CELSR3: variants seen among roughly 807,000 people sequenced by gnomAD.
CELSR3 encodes the protein cadherin EGF LAG seven-pass G-type receptor 3.
A neutral mutation model predicts 270.0 loss-of-function variants in CELSR3; 73 were observed. The ratio of observed to expected loss-of-function variants is 0.27; its 90% CI spans 0.22 to 0.33. The LOEUF is 0.33. Ranked by LOEUF, CELSR3 falls within the 10% of genes least tolerant of loss-of-function variation. CELSR3 has a pLI of 1.00. For missense variants in CELSR3, 3,614 were observed against 4,533.8 expected, an observed-to-expected ratio of 0.80 and a Z score of 5.83; for synonymous variants, 1,780 against 1,905.4, an observed-to-expected ratio of 0.93 and a Z score of 1.71.
At position 48,656,920 on chromosome 3, in the gene CELSR3, C is replaced by T. The variant is rs772792398; in HGVS notation, c.4177G>A (p.Val1393Met). ...GGCGCGGACGAGTCAAAGCGGAGCA[C>T]GGACACGCATTTCATGTAGTTCTCA... ...PCENYMKCVS[V>M]LRFDSSAPFL... Residue 1393 changes from valine (V) to methionine (M), a missense_variant, in exon 2 of 35, where the codon GTG becomes ATG. By Grantham distance (21) the Val-to-Met change is conservative. This residue lies in a region of CELSR3 where 1,331 missense variants were observed against 1,933.7 expected (regional missense o/e 0.69). Coordinates refer to ENST00000164024, the MANE Select transcript of CELSR3 (RefSeq NM_001407.3). 3 of 1,611,068 alleles carry T rather than the reference C, an allele frequency of 1.9e-6. No homozygotes were observed. Among genetic ancestry groups the T allele is most frequent in the Non-Finnish European group, 2.5e-6 (3 of 1,178,594 alleles).
chr3:48,661,116 C>T lies in CELSR3; in HGVS notation c.1519G>A (p.Glu507Lys). 6.2e-7 allele frequency: 1 copy of T among 1,612,204 alleles called. No homozygotes were observed. Among genetic ancestry groups the T allele is most frequent in the African/African-American group, 1.3e-5 (1 of 75,038 alleles). Reference protein sequence around the residue: ...TSGRVDREHMESYELVVEASD... With the variant: ...TSGRVDREHMKSYELVVEASD... ...GCTTCCACCACCAGCTCATAGCTTT[C>T]CATGTGCTCGCGGTCCACTCGGCCG... Residue 507 changes from glutamate to lysine, a missense_variant, in exon 1 of 35, where the codon GAA (glutamate) becomes AAA (lysine). Around this residue, in one of 7 missense-constraint regions of CELSR3, gnomAD observed 354 missense variants for 500.9 expected, o/e 0.71. Coordinates refer to ENST00000164024, the MANE Select transcript of CELSR3 (RefSeq NM_001407.3).
chr3:48,659,013 A>G lies in CELSR3; in HGVS notation c.3622T>C (p.Tyr1208His). ...YDPDVSDHLFYSFERGNELQL... is the reference protein window; with the variant it reads ...YDPDVSDHLFHSFERGNELQL... ...AGCTCATTGCCACGCTCAAAGGAGT[A>G]GAAGAGGTGGTCGGAGACATCGGGG... Residue 1208 changes from tyrosine to histidine, a missense_variant, in exon 1 of 35, where the codon TAC becomes CAC. Around this residue, in one of 7 missense-constraint regions of CELSR3, gnomAD observed 1,331 missense variants for 1,933.7 expected, o/e 0.69. Coordinates refer to ENST00000164024, the MANE Select transcript of CELSR3 (RefSeq NM_001407.3). This position sits in a 1 kb window ranked among gnomAD's most constrained non-coding sequence, Gnocchi z 8.1. 1 of 1,614,210 alleles carries G rather than the reference A, an allele frequency of 6.2e-7. No individual in the cohort carries two copies.
chr3:48,645,633 A>G lies in CELSR3; in HGVS notation c.7607T>C (p.Leu2536Pro), dbSNP rs1575540046. The G allele has an allele frequency of 6.2e-7, 1 of 1,609,674 alleles. No individual in the cohort carries two copies. The highest frequency in any genetic ancestry group is 8.5e-7 in the Non-Finnish European group (1 of 1,177,380). ...GTGGGTGAACACAGCCAGCAGCTCC[A>G]GGTCGCCCTCCAGCCTCTACAGAGA... is the stretch of plus-strand genomic sequence containing the variant. The part of the protein sequence containing the change: ...ASPRERLEGD[L>P]ELLAVFTHVV... Residue 2536 changes from leucine (L) to proline (P), a missense_variant, in exon 24 of 35, where the codon CTG becomes CCG. This residue lies in a region of CELSR3 where 1,240 missense variants were observed against 1,351.7 expected (regional missense o/e 0.92). Transcript: ENST00000164024. This position sits in a 1 kb window ranked among gnomAD's most constrained non-coding sequence, Gnocchi z 5.4.
In CELSR3 at chr3:48,650,455, AT is replaced by A; in HGVS notation, c.6472+24del. ...TACAGGCCCACCCCCACCCTCAGTG[AT>A]GTCCTTTCCCCCCACATACTCACCC... On this transcript the variant is annotated intron_variant, in intron 16 of 34. Transcript: ENST00000164024. This position sits in a 1 kb window ranked among gnomAD's most constrained non-coding sequence, Gnocchi z 5.1. The A allele has an allele frequency of 1.7e-6, 1 of 603,076 alleles. No individual in the cohort carries two copies. The highest frequency in any genetic ancestry group is 2.1e-5 in the Admixed American group (1 of 47,738). 37.4% of individuals were successfully genotyped at this position (603,076 alleles called of 1,614,324 possible). A position where few individuals can be genotyped will look rare whatever the true frequency, so the allele number is the denominator to read the frequency against.
intron 16 of CELSR3, 51 bp from the exon 17 acceptor site, chr3:48,649,266 A>C: frequency 5.7e-6 from 8 of 1,414,804 alleles, no homozygotes; most frequent in Non-Finnish European, 7.9e-6. Context: ...ACCTTTGCTG[A>C]GGAGATAACC....
rs937588339 is a variant in CELSR3, at chr3:48,639,521, C to T, written c.9911+153G>A. ...CCCCATTTCTTGCCAGATTCCTGTCCCCAGCCTGTGGCCCTCTGGCTGTGC... is the reference window on the plus strand; with the variant it reads ...CCCCATTTCTTGCCAGATTCCTGTCTCCAGCCTGTGGCCCTCTGGCTGTGC... On this transcript the variant is annotated intron_variant, in intron 34 of 34. Coordinates refer to ENST00000164024, the MANE Select transcript of CELSR3 (RefSeq NM_001407.3). The surrounding 1 kb of genome is among the most constrained non-coding windows in gnomAD (Gnocchi z 4.1). Among the ~76,000 whole-genome samples, 2 of 152,190 alleles carry T rather than the reference C, an allele frequency of 1.3e-5. No individual in the cohort carries two copies. Among genetic ancestry groups the T allele is most frequent in the African/African-American group, 4.8e-5 (2 of 41,436 alleles).
rs769254685 is a variant in CELSR3 at position 48,640,104 on chromosome 3, G to C, written c.9481C>G (p.Arg3161Gly). 1.2e-6 allele frequency: 2 copies of C among 1,611,298 alleles called. No individual in the cohort carries two copies. The highest frequency in any genetic ancestry group is 2.2e-5 in the South Asian group (2 of 91,054). The part of the protein sequence containing the change: ...EWLSTLPPPR[R>G]TRDLDPQPPP... Reference sequence around the variant, plus strand: ...GGCTGTGGGTCAAGGTCCCGGGTGCGGCGGGGCGGAGGCAGCGTGCTCAAC... The same window carrying C: ...GGCTGTGGGTCAAGGTCCCGGGTGCCGCGGGGCGGAGGCAGCGTGCTCAAC... Residue 3161 changes from arginine to glycine, a missense_variant, in exon 34 of 35, where the codon CGC becomes GGC. By Grantham distance (125) the Arg-to-Gly change is moderately radical (BLOSUM62 -2). Transcript: ENST00000164024. The surrounding 1 kb of genome is among the most constrained non-coding windows in gnomAD (Gnocchi z 7.5).
rs1559474094 is a variant in CELSR3 at position 48,638,228 on chromosome 3, G to A, written c.9916C>T (p.Pro3306Ser). The A allele has an allele frequency of 1.2e-6, 2 of 1,612,736 alleles. No individual in the cohort carries two copies. The highest frequency in any genetic ancestry group is 2.2e-5 in the South Asian group (2 of 91,064). The part of the protein sequence containing the change: ...ISELSPDSEV[P>S]RSEGHS Reference sequence around the variant, plus strand: ...CCTCAGGAGTGACCCTCACTTCTGGGAACTCTGGAGGCACATGAGGAAATC... The same window carrying A: ...CCTCAGGAGTGACCCTCACTTCTGGAAACTCTGGAGGCACATGAGGAAATC... Residue 3306 changes from proline (P) to serine (S), a missense_variant, in exon 35 of 35, where the codon CCC becomes TCC. Around this residue, in one of 7 missense-constraint regions of CELSR3, gnomAD observed 1,240 missense variants for 1,351.7 expected, o/e 0.92. Transcript: ENST00000164024.
intron 3 of CELSR3, 62 bp downstream of exon 3, chr3:48,656,078 C>G: frequency 7.1e-7 from 1 of 1,408,202 alleles, no homozygotes; most frequent in Non-Finnish European, 9.4e-7. Flanking sequence ...AGTCAGGAAT[C>G]TGAGTCAGGG....
Position 48,655,439 on chromosome 3 carries a change from C to A in CELSR3, c.4742-45G>T. The A allele has an allele frequency of 6.3e-7, 1 of 1,585,116 alleles. No homozygotes were observed. The highest frequency in any genetic ancestry group is 8.7e-7 in the Non-Finnish European group (1 of 1,154,278). On this transcript the variant is annotated intron_variant, in intron 4 of 34. Transcript: ENST00000164024. This position sits in a 1 kb window ranked among gnomAD's most constrained non-coding sequence, Gnocchi z 5.8. ...GGAATCATCAGGAGCAGCGGAGTCG[C>A]CCCATCCCACCCGTCATATAAGCAC...
Position 48,651,934 on chromosome 3 carries a change from G to T in CELSR3, c.5866C>A (p.Pro1956Thr). ...VTNACASGPC[P>T]PHADCRDLWQ... ...AGGTCCCGGCAGTCTGCGTGAGGTG[G>T]GCAGGGCCCAGAGGCACAGGCGTTG... Residue 1956 changes from proline to threonine, a missense_variant, in exon 12 of 35, where the codon CCA becomes ACA. Around this residue, in one of 7 missense-constraint regions of CELSR3, gnomAD observed 1,331 missense variants for 1,933.7 expected, o/e 0.69. Transcript: ENST00000164024. The surrounding 1 kb of genome is among the most constrained non-coding windows in gnomAD (Gnocchi z 7.4). The T allele has an allele frequency of 6.2e-7, 1 of 1,611,902 alleles. No homozygotes were observed. Among genetic ancestry groups the T allele is most frequent in the African/African-American group, 1.3e-5 (1 of 74,944 alleles).
chr3:48,662,035 G>A lies in CELSR3; in HGVS notation c.600C>T (p.Gly200=), dbSNP rs1007827226. Residue 200 remains glycine, a synonymous_variant, in exon 1 of 35, where the codon GGC becomes GGT. Transcript: ENST00000164024. This position sits in a 1 kb window ranked among gnomAD's most constrained non-coding sequence, Gnocchi z 7.1. ...NAGTGSRKRV[G]TARCCGELWA... ...ATAATTCCCCACAGCAGCGCGCGGT[G>A]CCCACTCTTTTGCGGGAGCCTGTCC... The A allele has an allele frequency of 2.5e-5, 41 of 1,614,024 alleles. No homozygotes were observed. Among genetic ancestry groups the A allele is most frequent in the Non-Finnish European group, 3.3e-5 (39 of 1,180,052 alleles).
At position 48,644,007 on chromosome 3, in the gene CELSR3, A is replaced by G. The variant is rs1047445226; in HGVS notation, c.8165+209T>C. Reference sequence around the variant, plus strand: ...GAGACTCTGGGGGGACCCAGAGGACAAGGAGAGACAGCAGGGCAGAAGCAC... The same window carrying G: ...GAGACTCTGGGGGGACCCAGAGGACGAGGAGAGACAGCAGGGCAGAAGCAC... On this transcript the variant is annotated intron_variant, in intron 27 of 34. Transcript: ENST00000164024. This position sits in a 1 kb window ranked among gnomAD's most constrained non-coding sequence, Gnocchi z 4.8. 1.0e-5 allele frequency: 6 copies of G among 593,706 alleles called. No individual in the cohort carries two copies. The highest frequency in any genetic ancestry group is 1.8e-5 in the Non-Finnish European group (6 of 333,836). 36.8% of individuals were successfully genotyped at this position (593,706 alleles called of 1,614,324 possible).
rs369297280 is a variant in CELSR3 at position 48,641,295 on chromosome 3, C to T, written c.9025+29G>A. On this transcript the variant is annotated intron_variant, in intron 33 of 34. Coordinates refer to ENST00000164024, the MANE Select transcript of CELSR3 (RefSeq NM_001407.3). The surrounding 1 kb of genome is among the most constrained non-coding windows in gnomAD (Gnocchi z 4.8). Reference sequence around the variant, plus strand: ...GCATGAGCAGCCCCCAGCGTGTCTGCGGTGTGGGCCAGGGCTCAGGGACTG... The same window carrying T: ...GCATGAGCAGCCCCCAGCGTGTCTGTGGTGTGGGCCAGGGCTCAGGGACTG... 2.5e-4 allele frequency: 369 copies of T among 1,458,374 alleles called. 1 individual carries two copies. The highest frequency in any genetic ancestry group is 3.1e-4 in the Non-Finnish European group (325 of 1,041,682). The allele number at this position is 1,458,374 out of a possible 1,614,324, so 90.3% of individuals were successfully genotyped here.
At position 48,639,597 on chromosome 3, in the gene CELSR3, G is replaced by A; in HGVS notation, c.9911+77C>T. 6.4e-7 allele frequency: 1 copy of A among 1,555,030 alleles called. No homozygotes were observed. The highest frequency in any genetic ancestry group is 8.7e-7 in the Non-Finnish European group (1 of 1,144,480). ...CTGCCAGCCCTCATCCCCTTCTGTG[G>A]CAGAACACAGGGCAGGGCACACAGG... On this transcript the variant is annotated intron_variant, in intron 34 of 34. Coordinates refer to ENST00000164024, the MANE Select transcript of CELSR3 (RefSeq NM_001407.3). This position sits in a 1 kb window ranked among gnomAD's most constrained non-coding sequence, Gnocchi z 4.1.
Position 48,641,723 on chromosome 3 carries a change from T to G in CELSR3, c.8824+128A>C. The stretch of plus-strand genomic sequence containing the variant: ...CTGGAGGTGGACAGAGACTAAAAGT[T>G]GGGGAACCTGATGACTGAGGGGTCA... On this transcript the variant is annotated intron_variant, in intron 32 of 34. Coordinates refer to ENST00000164024, the MANE Select transcript of CELSR3 (RefSeq NM_001407.3). The surrounding 1 kb of genome is among the most constrained non-coding windows in gnomAD (Gnocchi z 4.8). 9.6e-7 allele frequency: 1 copy of G among 1,040,592 alleles called. No homozygotes were observed. Among genetic ancestry groups the G allele is most frequent in the Non-Finnish European group, 1.4e-6 (1 of 739,888 alleles). 64.5% of individuals were successfully genotyped at this position (1,040,592 alleles called of 1,614,324 possible).
chr3:48,656,774 G>A lies in CELSR3; in HGVS notation c.4323C>T (p.Ser1441=), dbSNP rs772376035. ...AGGCTCCGCCGTTGCGACATGGGTT[G>A]GAGTAGCAGAGGTCGAGCTCGGTCT... ...FCETELDLCY[S]NPCRNGGACA... The change falls in exon 2 of 35, where the codon TCC becomes TCT. Residue 1441 remains serine (S), a synonymous_variant. Coordinates refer to ENST00000164024, the MANE Select transcript of CELSR3 (RefSeq NM_001407.3). The A allele has an allele frequency of 1.3e-6, 2 of 1,583,874 alleles. No homozygotes were observed. The highest frequency in any genetic ancestry group is 2.3e-5 in the East Asian group (1 of 44,402).
Position 48,644,354 on chromosome 3 carries a change from GGC to G in CELSR3, c.8086-61_8086-60del. On this transcript the variant is annotated intron_variant, in intron 26 of 34. Coordinates refer to ENST00000164024, the MANE Select transcript of CELSR3 (RefSeq NM_001407.3). The surrounding 1 kb of genome is among the most constrained non-coding windows in gnomAD (Gnocchi z 4.8). ...GGGCAGAGAGAGAGAGAGAGAGAGA[GGC>G]AATGAGAGACAGAGAGAGACTAAGA... 2 of 1,404,346 alleles carry G rather than the reference GGC, an allele frequency of 1.4e-6. No individual in the cohort carries two copies. Among genetic ancestry groups the G allele is most frequent in the Non-Finnish European group, 2.0e-6 (2 of 996,842 alleles). The allele number at this position is 1,404,346 out of a possible 1,614,324, so 87.0% of individuals were successfully genotyped here.
Position 48,641,384 on chromosome 3 carries a change from C to G in CELSR3, c.8965G>C (p.Asp2989His). The change falls in exon 33 of 35, where the codon GAC becomes CAC. Residue 2989 changes from aspartate to histidine, a missense_variant. Transcript: ENST00000164024. This position sits in a 1 kb window ranked among gnomAD's most constrained non-coding sequence, Gnocchi z 4.8. ...SKDAANNNQP[D>H]PALTSGDETS... ...TCATCCCCACTGGTCAGGGCCGGGT[C>G]TGGCTGGTTGTTGTTAGCTGCATCC... The G allele has an allele frequency of 1.2e-6, 2 of 1,612,746 alleles. No individual in the cohort carries two copies. The highest frequency in any genetic ancestry group is 1.7e-6 in the Non-Finnish European group (2 of 1,179,914).
Sources: allele counts gnomAD v4.1 joint callset (sites outside exome capture counted in the v4.1 genomes callset), GRCh38; gene constraint gnomAD v4.1.1; regional missense constraint gnomAD v4.1.1; non-coding constraint Gnocchi (gnomAD v3.1); transcripts MANE v1.5; gene names NCBI Gene and HGNC (gene_info 2026-07-23, HGNC 2026-07-21).